Variants in OTOF observed in about 807,000 individuals in gnomAD.
OTOF encodes otoferlin.
A neutral mutation model predicts 236.8 loss-of-function variants in OTOF; 218 were observed. The ratio of observed to expected loss-of-function variants is 0.92; its 90% CI spans 0.82 to 1.03. The LOEUF (loss-of-function observed/expected upper bound fraction) is 1.03. Among genes scored for constraint, OTOF ranks in the 50% least tolerant of loss-of-function variants. OTOF has a pLI of 0.00. For missense variants in OTOF, 2,590 were observed against 2,694.4 expected, an observed-to-expected ratio of 0.96 and a Z score of 0.86; for synonymous variants, 1,041 against 1,072.5, an observed-to-expected ratio of 0.97 and a Z score of 0.57.
chr2:26,502,405 A>T lies in OTOF; in HGVS notation c.605T>A (p.Met202Lys), dbSNP rs1666139146. Residue 202 changes from methionine to lysine, a missense_variant, in exon 7 of 47, where the codon ATG becomes AAG. Physicochemically the swap from Met to Lys is moderately conservative, Grantham distance 95. Coordinates refer to ENST00000272371, the MANE Select transcript of OTOF (RefSeq NM_194248.3). ...AATGGCCAGATGGTCAAGGTCTTCC[A>T]TCTCCAGCACCGCCGGTTCATCTGG... is the stretch of plus-strand genomic sequence containing the variant. ...QRPDEPAVLE[M>K]EDLDHLAIRL... The T allele has an allele frequency of 1.9e-6, 3 of 1,613,790 alleles. No homozygotes were observed. The East Asian group carries it at 6.7e-5, about 36-fold the overall frequency.
At position 26,457,961 on chromosome 2, in the gene OTOF, A is replaced by AG. The variant is rs1222357589; in HGVS notation, c.*276dup. ...GGACGCTGGGCTCCTCAGGCTCCCC[A>AG]GGGGAGATGGGAAAGAGTCCAAGCC... is the stretch of plus-strand genomic sequence containing the variant. On this transcript the variant is annotated 3_prime_UTR_variant, in exon 47 of 47. Transcript: ENST00000272371. The surrounding 1 kb of genome is among the most constrained non-coding windows in gnomAD (Gnocchi z 4.4). 3.5e-6 allele frequency: 5 copies of AG among 1,426,316 alleles called. No individual in the cohort carries two copies. In the African/African-American group the frequency reaches 4.2e-5, roughly 12 times the overall value. 88.4% of individuals were successfully genotyped at this position (1,426,316 alleles called of 1,614,324 possible). A position where few individuals can be genotyped will look rare whatever the true frequency, so the allele number is the denominator to read the frequency against.
At position 26,502,437 on chromosome 2, in the gene OTOF, T is replaced by G. The variant is rs558198759; in HGVS notation, c.584-11A>C. 6 of 1,611,802 alleles carry G rather than the reference T, an allele frequency of 3.7e-6. No individual in the cohort carries two copies. In the South Asian group the frequency reaches 6.6e-5, roughly 18 times the overall value. On this transcript the variant is annotated splice_polypyrimidine_tract_variant and intron_variant, in intron 6 of 46. Transcript: ENST00000272371. Reference sequence around the variant, plus strand: ...GCACCGCCGGTTCATCTGGGGAAGATGAAAGACTGGTTAGGTGGGCTGACT... The same window carrying G: ...GCACCGCCGGTTCATCTGGGGAAGAGGAAAGACTGGTTAGGTGGGCTGACT...
intron 12 of OTOF, 109 bp from the exon 13 acceptor site, chr2:26,483,757 G>A (rs753873240): frequency 4.0e-5 from 40 of 987,672 alleles, no homozygotes; most frequent in Middle Eastern, 6.3e-4. Flanking sequence ...GGACAGCTGA[G>A]GGAGCAAGGC....
Position 26,460,649 on chromosome 2 carries a change from G to A in OTOF, c.5811C>T (p.Pro1937=). 1 of 1,613,190 alleles carries A rather than the reference G, an allele frequency of 6.2e-7. No individual in the cohort carries two copies. Among genetic ancestry groups the A allele is most frequent in the Non-Finnish European group, 8.5e-7 (1 of 1,179,200 alleles). The change falls in exon 45 of 47, where the codon CCC becomes CCT. Residue 1937 remains proline, a splice_region_variant and synonymous_variant. Coordinates refer to ENST00000272371, the MANE Select transcript of OTOF (RefSeq NM_194248.3). This position sits in a 1 kb window ranked among gnomAD's most constrained non-coding sequence, Gnocchi z 5.3. ...ARNEPDPLEK[P]NRPDTSFIWF... ...GGCTGGGCCGGCAGGGCACTCACTTGGGTTTCTCTAGGGGGTCAGGTTCAT... is the reference window on the plus strand; with the variant it reads ...GGCTGGGCCGGCAGGGCACTCACTTAGGTTTCTCTAGGGGGTCAGGTTCAT...
chr2:26,524,551 T>C (rs1004464222), intron 3 of OTOF, among the ~76,000 whole-genome samples: 2 of 152,186 alleles, frequency 1.3e-5, no homozygotes, highest in African/African-American at 4.8e-5. Flanking sequence ...AAGCTGTAAC[T>C]TTCAACATAT....
chr2:26,469,388 T>C (rs1046948365), intron 32 of OTOF, among the ~76,000 whole-genome samples: 2 of 152,310 alleles, frequency 1.3e-5, no homozygotes, highest in Admixed American at 1.3e-4. Context: ...AGACTACCAG[T>C]TGTCCTCAAT....
rs1572435675 is a variant in OTOF, at chr2:26,480,404, G to T, written c.1804-93C>A. On this transcript the variant is annotated intron_variant, in intron 15 of 46. Coordinates refer to ENST00000272371, the MANE Select transcript of OTOF (RefSeq NM_194248.3). ...TTCCGTCTCACAGACAGGCCGTGGG[G>T]GTGGATGGTGGGGGCATCCCACCCG... is the stretch of plus-strand genomic sequence containing the variant. 5 of 816,512 alleles carry T rather than the reference G, an allele frequency of 6.1e-6. No homozygotes were observed. The East Asian group carries it at 1.2e-4, about 20-fold the overall frequency. 50.6% of individuals were successfully genotyped at this position (816,512 alleles called of 1,614,324 possible). A position where few individuals can be genotyped will look rare whatever the true frequency, so the allele number is the denominator to read the frequency against.
chr2:26,522,567 G>T (rs1666703416), intron 3 of OTOF, among the ~76,000 whole-genome samples: 1 of 152,234 alleles, frequency 6.6e-6, no homozygotes, highest in Admixed American at 6.5e-5. Flanking sequence ...TTACTCCTCT[G>T]CATGGGTCAG....
rs1664935784 is a variant in OTOF, at chr2:26,470,717, T to TGCAACCTG, written c.3898_3899insCAGGTTGC (p.Glu1300AlafsTer43). 9 of 1,613,122 alleles carry TGCAACCTG rather than the reference T, an allele frequency of 5.6e-6. No homozygotes were observed. Among genetic ancestry groups the TGCAACCTG allele is most frequent in the Non-Finnish European group, 6.8e-6 (8 of 1,179,974 alleles). ...CTTCTTCTTCTTCTCCTTCTCCTCC[T>TGCAACCTG]CAGCCTGCAGGTTGGCCAGGTCCAG... is the stretch of plus-strand genomic sequence containing the variant. On this transcript the variant is annotated frameshift_variant, in exon 32 of 47. Transcript: ENST00000272371. LOFTEE classifies it high-confidence loss of function. The surrounding 1 kb of genome is among the most constrained non-coding windows in gnomAD (Gnocchi z 4.3).
chr2:26,516,756 T>G (rs931786241), intron 4 of OTOF, among the ~76,000 whole-genome samples, 157 bp from the exon 5 acceptor site: 4 of 152,100 alleles, frequency 2.6e-5, no homozygotes, highest in Non-Finnish European at 5.9e-5. Context: ...ATTTTGCTGA[T>G]GAGAAAACAG....
intron 33 of OTOF, among the ~76,000 whole-genome samples, 195 bp from the exon 34 acceptor site, chr2:26,467,696 A>C (rs1251363744): frequency 6.6e-6 from 1 of 152,112 alleles, no homozygotes; most frequent in Non-Finnish European, 1.5e-5. Flanking sequence ...TATGCCCGGG[A>C]AGGTGTCTGA....
At chr2:26,474,426 C>T (rs1251158478) in intron 26 of OTOF, 87 bp downstream of exon 26, 2 of 1,263,600 alleles carry the variant, frequency 1.6e-6, no homozygotes, top group Non-Finnish European at 2.2e-6. Context: ...CCCCAGGCCC[C>T]AGCCTTCAGG....
At chr2:26,485,897 T>C (rs1376802858) in intron 11 of OTOF, among the ~76,000 whole-genome samples, 3 of 152,196 alleles carry the variant, frequency 2.0e-5, no homozygotes. Context: ...GAGGAGTCAC[T>C]GGAGAACCTC....
intron 1 of OTOF, among the ~76,000 whole-genome samples, chr2:26,540,278 G>A (rs11690336): frequency 0.27 from 40,826 of 152,210 alleles, 7,258 homozygotes; most frequent in East Asian, 0.7. Flanking sequence ...CCATTTCATT[G>A]AAGGGCTGTC....
chr2:26,483,089 A>G (rs1395048234), intron 13 of OTOF, among the ~76,000 whole-genome samples: 12 of 113,086 alleles, frequency 1.1e-4, no homozygotes, highest in African/African-American at 3.4e-5. Context: ...GAATGGGTGC[A>G]TGTGTGTGTG....
chr2:26,539,453 C>A (rs771748566), intron 1 of OTOF, among the ~76,000 whole-genome samples: 1 of 152,178 alleles, frequency 6.6e-6, no homozygotes, highest in East Asian at 1.9e-4. Flanking sequence ...AGTGGTTACC[C>A]CCCTGGGCGC....
chr2:26,533,342 G>C (rs976491208), intron 2 of OTOF, among the ~76,000 whole-genome samples: 2 of 152,164 alleles, frequency 1.3e-5, no homozygotes, highest in African/African-American at 4.8e-5. Context: ...GAAAGAGACG[G>C]ATTTGCAAGC....
At chr2:26,527,961 A>G in intron 2 of OTOF, 41 bp from the exon 3 acceptor site, 1 of 1,428,750 alleles carries the variant, frequency 7.0e-7, no homozygotes, top group Non-Finnish European at 9.9e-7. Flanking sequence ...TGGCAATAAC[A>G]GGTAGGAGCC....
chr2:26,528,321 G>A (rs1433536972), intron 2 of OTOF, among the ~76,000 whole-genome samples: 8 of 152,206 alleles, frequency 5.3e-5, no homozygotes, highest in Admixed American at 2.6e-4. Context: ...AAGGAATGTG[G>A]GTGTGAGCCT....
Sources: allele counts gnomAD v4.1 joint callset (sites outside exome capture counted in the v4.1 genomes callset), GRCh38; gene constraint gnomAD v4.1.1; non-coding constraint Gnocchi (gnomAD v3.1); transcripts MANE v1.5; gene names NCBI Gene and HGNC (gene_info 2026-07-23, HGNC 2026-07-21).